TUT4: variants seen among roughly 807,000 people sequenced by gnomAD.
TUT4 encodes the protein terminal uridylyl transferase 4.
Under a neutral mutation model 192.2 loss-of-function variants are expected in TUT4, and 36 were observed. That is an observed-to-expected ratio of 0.19 (90% CI 0.14 to 0.25). TUT4 has a LOEUF of 0.25. Among genes scored for constraint, TUT4 ranks in the 10% least tolerant of loss-of-function variants. The pLI, the probability that TUT4 is intolerant of heterozygous loss-of-function variation, is 1.00. For missense variants in TUT4, 1,493 were observed against 1,957.2 expected (o/e 0.76, Z 4.47); for synonymous variants, 618 against 666.0 (o/e 0.93, Z 1.11).
chr1:52,467,217 T>C (rs1311349353), intron 15 of TUT4, among the ~76,000 whole-genome samples: 1 of 152,244 alleles, frequency 6.6e-6, no homozygotes. Context: ...AATTGTAATA[T>C]GTAGCACATA....
At chr1:52,515,282 T>C (rs1290515046) in intron 3 of TUT4, 1 of 152,952 alleles carries the variant, frequency 6.5e-6, no homozygotes, top group Non-Finnish European at 1.5e-5. Context: ...TTTTAACTTC[T>C]AATGGGAAGA....
chr1:52,435,494 A>G (rs1653455106), intron 26 of TUT4, 29 bp from the exon 27 acceptor site: 1 of 1,545,366 alleles, frequency 6.5e-7, no homozygotes, highest in Non-Finnish European at 8.9e-7. Context: ...AAGAAAATCA[A>G]CAGATAAGGA....
At chr1:52,474,009 C>A (rs982239885) in intron 13 of TUT4, among the ~76,000 whole-genome samples, 4 of 152,166 alleles carry the variant, frequency 2.6e-5, no homozygotes, top group African/African-American at 9.7e-5. Flanking sequence ...AAGTTCGAGA[C>A]CAGCCTGGGC....
chr1:52,498,240 C>CTTT lies in TUT4; in HGVS notation c.1000-1060_1000-1058dup, dbSNP rs556089149. Among the ~76,000 whole-genome samples the CTTT allele has an allele frequency of 1.4e-3, 164 of 119,410 alleles. 2 individuals carry two copies. The highest frequency in any genetic ancestry group is 1.5e-3 in the East Asian group (6 of 4,126). The allele number at this position is 119,410 out of a possible 152,430, so 78.3% of individuals were successfully genotyped here. ...TTACATAAGCATCTAAGTTTCAGTACTTTTTTTTTTTTTTTTTTTTTGAGA... is the reference window on the plus strand; with the variant it reads ...TTACATAAGCATCTAAGTTTCAGTACTTTTTTTTTTTTTTTTTTTTTTTTGAGA... On this transcript the variant is annotated intron_variant, in intron 4 of 29. Transcript: ENST00000257177.
intron 26 of TUT4, 108 bp from the exon 27 acceptor site, chr1:52,435,573 T>A: frequency 9.5e-6 from 8 of 838,012 alleles, no homozygotes; most frequent in Non-Finnish European, 1.3e-5. Flanking sequence ...TCTCTGCAAT[T>A]TTATAAACTT....
chr1:52,538,545 G>C (rs1685585531), intron 1 of TUT4: 1 of 151,228 alleles, frequency 6.6e-6, no homozygotes, highest in African/African-American at 2.4e-5. Flanking sequence ...GTCTCAGGAG[G>C]CTGAAGTGGG....
chr1:52,492,351 A>C (rs1267880018), intron 7 of TUT4, among the ~76,000 whole-genome samples: 1 of 152,194 alleles, frequency 6.6e-6, no homozygotes, highest in African/African-American at 2.4e-5. Flanking sequence ...GCTTTAAAAA[A>C]AAGCTCTCTC....
At position 52,446,452 on chromosome 1, in the gene TUT4, A is replaced by T. The variant is rs377351073; in HGVS notation, c.3514-10T>A. The stretch of plus-strand genomic sequence containing the variant: ...AAGGTAAACGCTTTTTCTACATATA[A>T]AAAAAAAAAGAAAAGAACAATGTCT... On this transcript the variant is annotated splice_polypyrimidine_tract_variant and intron_variant, in intron 21 of 29. Coordinates refer to ENST00000257177, the MANE Select transcript of TUT4 (RefSeq NM_001009881.3). The T allele has an allele frequency of 1.5e-4, 225 of 1,529,768 alleles. No individual in the cohort carries two copies. Among genetic ancestry groups the T allele is most frequent in the African/African-American group, 8.9e-4 (63 of 70,402 alleles). The allele number at this position is 1,529,768 out of a possible 1,614,324, so 94.8% of individuals were successfully genotyped here. A position where few individuals can be genotyped will look rare whatever the true frequency, so the allele number is the denominator to read the frequency against.
intron 4 of TUT4, among the ~76,000 whole-genome samples, chr1:52,507,932 TC>T (rs757429442): frequency 2.0e-5 from 3 of 152,026 alleles, no homozygotes; most frequent in Non-Finnish European, 4.4e-5. Flanking sequence ...TACCTCAGCC[TC>T]CCAAGAAGCT....
At chr1:52,426,454 A>G (rs922665078) in intron 28 of TUT4, among the ~76,000 whole-genome samples, 1 of 152,152 alleles carries the variant, frequency 6.6e-6, no homozygotes, top group African/African-American at 2.4e-5. Context: ...GGCTTTTCTC[A>G]TTCAGAGTCA....
At chr1:52,425,585 T>C in intron 28 of TUT4, 78 bp from the exon 29 acceptor site, 1 of 1,471,038 alleles carries the variant, frequency 6.8e-7, no homozygotes, top group South Asian at 1.4e-5. Context: ...TCCACAAAGA[T>C]ATATTCAGTA....
chr1:52,497,230 T>C (rs1672674436), intron 4 of TUT4, 47 bp from the exon 5 acceptor site: 1 of 1,496,854 alleles, frequency 6.7e-7, no homozygotes, highest in East Asian at 2.5e-5. Context: ...AAAGTTTCTA[T>C]TTTAATTGTT....
intron 24 of TUT4, among the ~76,000 whole-genome samples, chr1:52,444,241 A>G (rs1656667615): frequency 2.0e-5 from 3 of 151,946 alleles, no homozygotes. Flanking sequence ...TCAAAAAAAG[A>G]AAAAAAAATT....
At chr1:52,485,426 T>C (rs1375375479) in intron 9 of TUT4, among the ~76,000 whole-genome samples, 1 of 152,170 alleles carries the variant, frequency 6.6e-6, no homozygotes, top group South Asian at 2.1e-4. Flanking sequence ...ATTTTATACT[T>C]TTCCCAATAT....
chr1:52,483,596 G>A (rs1003228016), intron 9 of TUT4, among the ~76,000 whole-genome samples: 3 of 152,066 alleles, frequency 2.0e-5, no homozygotes, highest in African/African-American at 7.2e-5. Context: ...GATGACTTAA[G>A]GTCAGGAGTT....
intron 27 of TUT4, chr1:52,432,421 G>A (rs1177447880): frequency 6.6e-6 from 1 of 152,190 alleles, no homozygotes; most frequent in Non-Finnish European, 1.5e-5. Flanking sequence ...TATTACTGGA[G>A]TATATATAAT....
rs942912699 is a variant in TUT4 at position 52,461,783 on chromosome 1, CAAAT to C, written c.3070-18_3070-15del. The stretch of plus-strand genomic sequence containing the variant: ...ACAATTTAATTTCTAAAAAACAAAT[CAAAT>C]AAATAAGTTTGACTCAATTTCACCT... On this transcript the variant is annotated splice_polypyrimidine_tract_variant and intron_variant, in intron 16 of 29. Coordinates refer to ENST00000257177, the MANE Select transcript of TUT4 (RefSeq NM_001009881.3). 11 of 1,318,122 alleles carry C rather than the reference CAAAT, an allele frequency of 8.3e-6. No homozygotes were observed. The highest frequency in any genetic ancestry group is 9.4e-6 in the Non-Finnish European group (9 of 956,292). 81.7% of individuals were successfully genotyped at this position (1,318,122 alleles called of 1,614,324 possible).
At chr1:52,499,346 C>T (rs997822259) in intron 4 of TUT4, among the ~76,000 whole-genome samples, 1 of 151,974 alleles carries the variant, frequency 6.6e-6, no homozygotes, top group African/African-American at 2.4e-5. Context: ...TACAGTGAGC[C>T]AAGATCGTGC....
At chr1:52,426,691 G>C (rs1650063841) in intron 28 of TUT4, among the ~76,000 whole-genome samples, 1 of 152,126 alleles carries the variant, frequency 6.6e-6, no homozygotes, top group Non-Finnish European at 1.5e-5. Flanking sequence ...GAAGGGCTCA[G>C]GGTTTACAAA....
Sources: allele counts gnomAD v4.1 joint callset (sites outside exome capture counted in the v4.1 genomes callset), GRCh38; gene constraint gnomAD v4.1.1; transcripts MANE v1.5; gene names NCBI Gene and HGNC (gene_info 2026-07-23, HGNC 2026-07-21).